The following PRKN variants were observed in gnomAD, a reference collection of about 807,000 sequenced individuals.
PRKN encodes parkin RBR E3 ubiquitin protein ligase, also known as E3 ubiquitin-protein ligase parkin.
Under a neutral mutation model 59.5 loss-of-function variants are expected in PRKN, and 56 were observed. The ratio of observed to expected loss-of-function variants is 0.94; its 90% CI spans 0.76 to 1.18. The LOEUF is 1.18. Among genes scored for constraint, PRKN ranks in the 50% most tolerant of loss-of-function variants. The pLI is 0.00. For synonymous variants in PRKN, 250 were observed against 222.1 expected (o/e 1.13, Z -1.12); for missense variants, 657 against 596.4 (o/e 1.10, Z -1.06).
intron 2 of PRKN, among the ~76,000 whole-genome samples, chr6:162,269,314 C>G (rs1342260580): frequency 6.6e-6 from 1 of 152,144 alleles, no homozygotes; most frequent in South Asian, 2.1e-4. Context: ...AAAACACACT[C>G]CCCTGTGTCT....
chr6:161,892,613 G>A (rs987834975), intron 6 of PRKN, among the ~76,000 whole-genome samples: 1 of 152,094 alleles, frequency 6.6e-6, no homozygotes, highest in Non-Finnish European at 1.5e-5. Flanking sequence ...CAAAGAGGCT[G>A]AGGTGGGAGG....
At chr6:161,569,456 A>G (rs1780787188) in intron 7 of PRKN, 40 bp from the exon 8 acceptor site, 1 of 1,528,190 alleles carries the variant, frequency 6.5e-7, no homozygotes, top group Non-Finnish European at 9.1e-7. Context: ...CGTCACTTTC[A>G]CTCTGTGTGG....
At chr6:162,588,302 C>T (rs1484324282) in intron 1 of PRKN, among the ~76,000 whole-genome samples, 2 of 151,540 alleles carry the variant, frequency 1.3e-5, no homozygotes, top group African/African-American at 4.9e-5. Context: ...TGCACCGCGG[C>T]GCCCACCGGA....
At chr6:162,097,943 A>G (rs942743511) in intron 4 of PRKN, among the ~76,000 whole-genome samples, 17 of 152,128 alleles carry the variant, frequency 1.1e-4, no homozygotes, top group Admixed American at 1.1e-3. Context: ...GTTTTAGGTG[A>G]TTTCTTGGTA....
At chr6:162,104,192 T>C (rs915463052) in intron 4 of PRKN, among the ~76,000 whole-genome samples, 2 of 152,266 alleles carry the variant, frequency 1.3e-5, no homozygotes, top group Non-Finnish European at 2.9e-5. Context: ...CAGCACCTAC[T>C]TCAAGGTTGG....
chr6:161,378,603 C>T lies in PRKN; in HGVS notation c.1167+8191G>A, dbSNP rs560595313. 1.3e-5 allele frequency among the ~76,000 whole-genome samples: 2 copies of T among 152,286 alleles called. No individual in the cohort carries two copies. The highest frequency in any genetic ancestry group is 1.9e-4 in the East Asian group (1 of 5,174). ...GCCAGCACTAGCATCTGCAGGCTGCCGGCACCCTGCATGGCACTGCATTGT... is the reference window on the plus strand; with the variant it reads ...GCCAGCACTAGCATCTGCAGGCTGCTGGCACCCTGCATGGCACTGCATTGT... On this transcript the variant is annotated intron_variant, in intron 10 of 11. Transcript: ENST00000366898. The surrounding 1 kb of genome is among the most constrained non-coding windows in gnomAD (Gnocchi z 7.3).
chr6:162,010,426 A>G (rs1176219340), intron 5 of PRKN, among the ~76,000 whole-genome samples: 1 of 22,310 alleles, frequency 4.5e-5, no homozygotes, highest in Non-Finnish European at 6.9e-5. Context: ...ATATACATTT[A>G]TAATATGTAA....
intron 2 of PRKN, among the ~76,000 whole-genome samples, chr6:162,294,475 T>C (rs2128110549): frequency 6.6e-6 from 1 of 152,310 alleles, no homozygotes; most frequent in Non-Finnish European, 1.5e-5. Flanking sequence ...AATTGATTAA[T>C]AACTTGCCTG....
chr6:162,289,413 T>C (rs1157504730), intron 2 of PRKN, among the ~76,000 whole-genome samples: 4 of 152,022 alleles, frequency 2.6e-5, no homozygotes, highest in African/African-American at 9.7e-5. Context: ...TAGGTGTTTT[T>C]TTTTAGCCAG....
rs1781442172 is a variant in PRKN, at chr6:161,584,125, C to G, written c.872-14709G>C. ...ATGTGTATTCATCTCTTCTTCCTTC[C>G]TGAGATGAAGCTTGGCATCACTCCA... On this transcript the variant is annotated intron_variant, in intron 7 of 11. Coordinates refer to ENST00000366898, the MANE Select transcript of PRKN (RefSeq NM_004562.3). This position sits in a 1 kb window ranked among gnomAD's most constrained non-coding sequence, Gnocchi z 4.8. 6.6e-6 allele frequency among the ~76,000 whole-genome samples: 1 copy of G among 152,186 alleles called. No homozygotes were observed. Among genetic ancestry groups the G allele is most frequent in the African/African-American group, 2.4e-5 (1 of 41,448 alleles).
At chr6:161,874,164 AATATATAATATATATTATAT>A (rs1794505034) in intron 6 of PRKN, among the ~76,000 whole-genome samples, 1 of 21,052 alleles carries the variant, frequency 4.8e-5, no homozygotes, top group Admixed American at 8.0e-4. Flanking sequence ...TATTATATAT[AATATATAATATATATTATAT>A]ATAATATATA....
intron 7 of PRKN, among the ~76,000 whole-genome samples, chr6:161,781,922 G>C (rs1334318456): frequency 6.6e-6 from 1 of 152,206 alleles, no homozygotes; most frequent in Admixed American, 6.5e-5. Context: ...CGGCTCCCCT[G>C]TTGGGGAGGA....
intron 4 of PRKN, among the ~76,000 whole-genome samples, chr6:162,127,743 G>A (rs1027720870): frequency 3.3e-5 from 5 of 152,088 alleles, no homozygotes; most frequent in African/African-American, 4.8e-5. Context: ...ACATAAAAAG[G>A]CAAATTAAAA....
intron 10 of PRKN, among the ~76,000 whole-genome samples, chr6:161,382,279 T>A (rs765255563): frequency 1.1e-4 from 16 of 152,090 alleles, no homozygotes; most frequent in Non-Finnish European, 1.3e-4. Context: ...GGCAGATGGC[T>A]TCTGGGAGGA....
chr6:162,120,685 C>A (rs1780874888), intron 4 of PRKN, among the ~76,000 whole-genome samples: 1 of 152,172 alleles, frequency 6.6e-6, no homozygotes, highest in South Asian at 2.1e-4. Context: ...CAGCAACTGG[C>A]AGAATTCCTG....
In PRKN at chr6:161,521,792, G is replaced by A. The variant is rs143456703; in HGVS notation, c.1083+27062C>T. Among the ~76,000 whole-genome samples, 415 of 152,204 alleles carry A rather than the reference G, an allele frequency of 2.7e-3. 1 individual carries two copies. The highest frequency in any genetic ancestry group is 6.4e-3 in the African/African-American group (265 of 41,534). Reference sequence around the variant, plus strand: ...TACTGGGGCCATAAACAGCTTTCCCGTGAGAGCTGAGGTGAACATTTCTTG... The same window carrying A: ...TACTGGGGCCATAAACAGCTTTCCCATGAGAGCTGAGGTGAACATTTCTTG... On this transcript the variant is annotated intron_variant, in intron 9 of 11. Transcript: ENST00000366898.
chr6:161,519,813 G>C (rs1583182549), intron 9 of PRKN, among the ~76,000 whole-genome samples: 1 of 152,154 alleles, frequency 6.6e-6, no homozygotes, highest in African/African-American at 2.4e-5. Context: ...AGGAAATAGA[G>C]TGGTGGCCTT....
At chr6:162,419,778 AGACAGG>A (rs60810420) in intron 2 of PRKN, among the ~76,000 whole-genome samples, 77,272 of 150,902 alleles carry the variant, frequency 0.51, 20,107 homozygotes, top group East Asian at 0.68. Context: ...ACAGAGCCAG[AGACAGG>A]GACAGGGACA....
intron 2 of PRKN, among the ~76,000 whole-genome samples, chr6:162,339,947 G>A (rs377433903): frequency 4.8e-4 from 69 of 144,616 alleles, no homozygotes; most frequent in South Asian, 1.4e-3. Context: ...CAGCATGCTC[G>A]TTAAGAGTCA....
Sources: allele counts gnomAD v4.1 joint callset (sites outside exome capture counted in the v4.1 genomes callset), GRCh38; gene constraint gnomAD v4.1.1; non-coding constraint Gnocchi (gnomAD v3.1); transcripts MANE v1.5; gene names NCBI Gene and HGNC (gene_info 2026-07-23, HGNC 2026-07-21).